Variants in PDE6D observed in about 807,000 individuals in gnomAD.
PDE6D encodes the protein phosphodiesterase 6D.
A neutral mutation model predicts 21.9 loss-of-function variants in PDE6D; 10 were observed. That is an observed-to-expected ratio of 0.46 (90% confidence interval 0.28 to 0.78). PDE6D has a LOEUF of 0.78. PDE6D is among the 30% of genes least tolerant of loss of function. PDE6D has a pLI of 0.12. For missense variants in PDE6D, 139 were observed against 184.8 expected (o/e 0.75, Z 1.44); for synonymous variants, 59 against 63.5 (o/e 0.93, Z 0.34).
chr2:231,756,838 G>A (rs1168524221), intron 1 of PDE6D, among the ~76,000 whole-genome samples: 1 of 150,462 alleles, frequency 6.6e-6, no homozygotes, highest in Non-Finnish European at 1.5e-5. Context: ...AGCATCTTCT[G>A]AGAAAGTGAA....
At chr2:231,779,541 A>G (rs568868488) in intron 1 of PDE6D, 1 of 152,342 alleles carries the variant, frequency 6.6e-6, no homozygotes, top group African/African-American at 2.4e-5. Context: ...ACATTGTTAG[A>G]TGTTAATAGT....
intron 1 of PDE6D, among the ~76,000 whole-genome samples, chr2:231,747,279 C>T (rs949777593): frequency 2.0e-5 from 3 of 152,074 alleles, no homozygotes; most frequent in Non-Finnish European, 4.4e-5. Context: ...TTAGTAGAGA[C>T]GGGGTTTCAC....
intron 1 of PDE6D, among the ~76,000 whole-genome samples, chr2:231,773,817 C>G (rs2049033115): frequency 6.6e-6 from 1 of 152,046 alleles, no homozygotes; most frequent in Non-Finnish European, 1.5e-5. Context: ...ATCATTTATT[C>G]AGAGGCAAAA....
chr2:231,746,085 T>A (rs778452961), intron 1 of PDE6D, among the ~76,000 whole-genome samples: 26 of 152,206 alleles, frequency 1.7e-4, no homozygotes, highest in Non-Finnish European at 3.1e-4. Context: ...AAAACTTTTT[T>A]ATTTATTTTT....
chr2:231,739,115 C>T lies in PDE6D; in HGVS notation c.124G>A (p.Gly42Ser). ...WQGTEDLSVP[G>S]VEHEARVPKK... ...TGGAAAGTACCTTCATGCTCCACAC[C>T]AGGGACAGACAGGTCTTCTGTTCCT... Residue 42 changes from glycine (G) to serine (S), a missense_variant, in exon 2 of 5, where the codon GGT becomes AGT. Coordinates refer to ENST00000287600, the MANE Select transcript of PDE6D (RefSeq NM_002601.4). The surrounding 1 kb of genome is among the most constrained non-coding windows in gnomAD (Gnocchi z 4.2). 6.2e-7 allele frequency: 1 copy of T among 1,610,568 alleles called. No homozygotes were observed. The highest frequency in any genetic ancestry group is 8.5e-7 in the Non-Finnish European group (1 of 1,176,826).
At chr2:231,749,141 C>T (rs1448432648) in intron 1 of PDE6D, among the ~76,000 whole-genome samples, 2 of 152,162 alleles carry the variant, frequency 1.3e-5, no homozygotes, top group Non-Finnish European at 2.9e-5. Flanking sequence ...CTGGAAAAGC[C>T]GCAGACACTT....
chr2:231,759,946 T>C (rs534408210), intron 1 of PDE6D, among the ~76,000 whole-genome samples: 3 of 152,298 alleles, frequency 2.0e-5, no homozygotes, highest in Admixed American at 6.5e-5. Context: ...GGCTTTCCCA[T>C]AGAAATGAGA....
chr2:231,739,366 G>C lies in PDE6D; in HGVS notation c.51-178C>G. The C allele has an allele frequency of 1.4e-6, 1 of 731,118 alleles. No homozygotes were observed. The highest frequency in any genetic ancestry group is 2.5e-6 in the Non-Finnish European group (1 of 396,396). 45.3% of individuals were successfully genotyped at this position (731,118 alleles called of 1,614,324 possible). On this transcript the variant is annotated intron_variant, in intron 1 of 4. Coordinates refer to ENST00000287600, the MANE Select transcript of PDE6D (RefSeq NM_002601.4). This position sits in a 1 kb window ranked among gnomAD's most constrained non-coding sequence, Gnocchi z 4.2. ...AGAGTCAAAAAGACATCTAAAGGAA[G>C]AAGCAGAAACCTAGAGAAGTTACTT...
In PDE6D at chr2:231,764,938, G is replaced by A. The variant is rs549286267; in HGVS notation, c.50+16127C>T. 2.8e-3 allele frequency among the ~76,000 whole-genome samples: 419 copies of A among 152,252 alleles called. 1 individual carries two copies. Among genetic ancestry groups the A allele is most frequent in the Admixed American group, 7.2e-3 (110 of 15,290 alleles). ...CTCTTCAGGCTGAGCAACCACAAGC[G>A]ATGCTTTCAGGGTCCAGTGGACTGT... On this transcript the variant is annotated intron_variant, in intron 1 of 4. Coordinates refer to ENST00000287600, the MANE Select transcript of PDE6D (RefSeq NM_002601.4).
At chr2:231,780,202 C>G (rs1185927342) in intron 1 of PDE6D, among the ~76,000 whole-genome samples, 3 of 152,178 alleles carry the variant, frequency 2.0e-5, no homozygotes, top group Non-Finnish European at 4.4e-5. Flanking sequence ...AATGATTTCT[C>G]TACCCCACTC....
chr2:231,761,198 G>C (rs180966606), intron 1 of PDE6D, among the ~76,000 whole-genome samples: 1 of 149,900 alleles, frequency 6.7e-6, no homozygotes, highest in East Asian at 1.9e-4. Flanking sequence ...TTTTTGAGAT[G>C]TAGTCTCACT....
intron 1 of PDE6D, among the ~76,000 whole-genome samples, chr2:231,764,716 ATCACCTC>A (rs1270493758): frequency 1.3e-5 from 2 of 152,318 alleles, no homozygotes; most frequent in African/African-American, 4.8e-5. Flanking sequence ...TTGTTACAGC[ATCACCTC>A]CTATCCTGGC....
chr2:231,776,149 C>T (rs528052008), intron 1 of PDE6D, among the ~76,000 whole-genome samples: 29 of 151,810 alleles, frequency 1.9e-4, no homozygotes, highest in African/African-American at 6.5e-4. Flanking sequence ...GGCGAAACCC[C>T]CTCTCTACTA....
At chr2:231,779,883 C>T (rs1434134406) in intron 1 of PDE6D, among the ~76,000 whole-genome samples, 2 of 152,140 alleles carry the variant, frequency 1.3e-5, no homozygotes, top group Admixed American at 1.3e-4. Flanking sequence ...ATTAAATTTG[C>T]AAGCGTGACA....
chr2:231,757,685 T>C (rs1389800296), intron 1 of PDE6D, among the ~76,000 whole-genome samples: 3 of 152,236 alleles, frequency 2.0e-5, no homozygotes, highest in South Asian at 2.1e-4. Context: ...TTAAACAATA[T>C]AAAAGCCTAT....
Position 231,739,790 on chromosome 2 carries a change from C to T in PDE6D, c.51-602G>A, listed in dbSNP as rs1476745673. On this transcript the variant is annotated intron_variant, in intron 1 of 4. Transcript: ENST00000287600. The surrounding 1 kb of genome is among the most constrained non-coding windows in gnomAD (Gnocchi z 4.2). ...GGAATTATAGGAGCACGTCACCAAG[C>T]CCAGCTTATTTTTGTATTTTTAATA... 6.6e-6 allele frequency among the ~76,000 whole-genome samples: 1 copy of T among 152,076 alleles called. No homozygotes were observed. Among genetic ancestry groups the T allele is most frequent in the Non-Finnish European group, 1.5e-5 (1 of 68,010 alleles).
intron 1 of PDE6D, among the ~76,000 whole-genome samples, chr2:231,744,694 A>G (rs995220053): frequency 1.3e-5 from 2 of 152,068 alleles, no homozygotes; most frequent in East Asian, 3.9e-4. Flanking sequence ...CGGCCTCCCA[A>G]AATGCTGGGA....
intron 1 of PDE6D, among the ~76,000 whole-genome samples, chr2:231,740,891 C>A (rs1241910793): frequency 6.6e-6 from 1 of 151,658 alleles, no homozygotes; most frequent in African/African-American, 2.4e-5. Context: ...GTAATCCCAG[C>A]ACTTTGGGAG....
chr2:231,767,322 CTTG>C (rs1370027181), intron 1 of PDE6D, among the ~76,000 whole-genome samples: 2 of 151,522 alleles, frequency 1.3e-5, no homozygotes, highest in East Asian at 1.9e-4. Flanking sequence ...ATGCATTATC[CTTG>C]TTTTTTTTTT....
Sources: gnomAD v4.1 joint callset for allele counts (sites outside exome capture counted in the v4.1 genomes callset) on GRCh38, gnomAD v4.1.1 for gene constraint, Gnocchi (gnomAD v3.1) non-coding constraint, MANE v1.5 for transcripts, NCBI Gene and HGNC (gene_info 2026-07-23, HGNC 2026-07-21) for gene names.